Variants in SKAP2 observed in about 807,000 individuals in gnomAD.
SKAP2 encodes src kinase associated phosphoprotein 2.
In SKAP2, 28 loss-of-function variants were observed where a neutral mutation model predicts 54.9. The ratio of observed to expected loss-of-function variants is 0.51; its 90% confidence interval spans 0.38 to 0.70. The LOEUF (loss-of-function observed/expected upper bound fraction) is 0.70, where lower values mean the gene tolerates loss of function less well. Ranked by LOEUF, SKAP2 falls within the 30% of genes least tolerant of loss-of-function variation. The probability of loss-of-function intolerance (pLI) is 0.00; values close to 1 mark genes in which losing one functional copy is unlikely to be tolerated. For synonymous variants in SKAP2, 137 were observed against 134.3 expected (o/e 1.02, Z -0.14); for missense variants, 356 against 424.1 (o/e 0.84, Z 1.41).
At chr7:26,784,430 G>C (rs576526196) in intron 4 of SKAP2, among the ~76,000 whole-genome samples, 1 of 152,138 alleles carries the variant, frequency 6.6e-6, no homozygotes, top group African/African-American at 2.4e-5. Context: ...TACAAATTAG[G>C]CTTTCTTCTT....
intron 9 of SKAP2, among the ~76,000 whole-genome samples, chr7:26,719,791 T>A (rs1338197051): frequency 6.6e-6 from 1 of 152,194 alleles, no homozygotes; most frequent in Non-Finnish European, 1.5e-5. Flanking sequence ...TATGTAATCC[T>A]AGTTTCATGT....
At chr7:26,841,910 T>A (rs1287133881) in intron 4 of SKAP2, among the ~76,000 whole-genome samples, 2 of 152,014 alleles carry the variant, frequency 1.3e-5, no homozygotes, top group Admixed American at 6.6e-5. Context: ...CTGTGCTAAT[T>A]CGGTTATGCT....
chr7:26,705,880 AT>A, intron 9 of SKAP2, among the ~76,000 whole-genome samples: 1 of 152,354 alleles, frequency 6.6e-6, no homozygotes, highest in South Asian at 2.1e-4. Context: ...AAAAGTTAAA[AT>A]CAAAACAAAA....
chr7:26,792,361 T>C (rs570096767), intron 4 of SKAP2, among the ~76,000 whole-genome samples: 1 of 152,344 alleles, frequency 6.6e-6, no homozygotes, highest in East Asian at 1.9e-4. Context: ...TTATACCTGA[T>C]AAACCTGATC....
At chr7:26,792,517 AT>A (rs571447492) in intron 4 of SKAP2, among the ~76,000 whole-genome samples, 251 of 152,346 alleles carry the variant, frequency 1.6e-3, no homozygotes, top group African/African-American at 5.4e-3. Flanking sequence ...AAAAACTTTT[AT>A]TTGAAAAATA....
rs576214855 is a variant in SKAP2 at position 26,725,502 on chromosome 7, T to C, written c.722A>G (p.Asp241Gly). The C allele has an allele frequency of 3.1e-6, 5 of 1,611,920 alleles. No individual in the cohort carries two copies. Among genetic ancestry groups the C allele is most frequent in the Admixed American group, 1.7e-5 (1 of 59,938 alleles). Residue 241 changes from aspartate (D) to glycine (G), a missense_variant, in exon 9 of 13, where the codon GAT becomes GGT. By Grantham distance (94) the Asp-to-Gly change is moderately conservative (BLOSUM62 -1). Coordinates refer to ENST00000345317, the MANE Select transcript of SKAP2 (RefSeq NM_003930.5). Reference protein sequence around the residue: ...DERGELYDDVDHPLPISNPLT... With the variant: ...DERGELYDDVGHPLPISNPLT... ...TGGATTGCTTATTGGTAGAGGATGATCAACATCATCATATAATTCTCCTCT... is the reference window on the plus strand; with the variant it reads ...TGGATTGCTTATTGGTAGAGGATGACCAACATCATCATATAATTCTCCTCT...
At chr7:26,742,403 A>T (rs1185728343) in intron 4 of SKAP2, 1 of 152,302 alleles carries the variant, frequency 6.6e-6, no homozygotes, top group Non-Finnish European at 1.5e-5. Context: ...GAGAGATGGG[A>T]AGAAGGGAGA....
chr7:26,796,327 G>A (rs575721102), intron 4 of SKAP2, among the ~76,000 whole-genome samples: 2 of 133,978 alleles, frequency 1.5e-5, no homozygotes, highest in South Asian at 2.3e-4. Flanking sequence ...TGCTTAAAAC[G>A]CTATGTGACA....
chr7:26,707,809 A>G (rs1180543575), intron 9 of SKAP2, among the ~76,000 whole-genome samples: 1 of 152,182 alleles, frequency 6.6e-6, no homozygotes, highest in South Asian at 2.1e-4. Context: ...CCTGTGAGAA[A>G]TCAAACCCCC....
intron 6 of SKAP2, among the ~76,000 whole-genome samples, chr7:26,734,913 T>C (rs1366364004): frequency 1.3e-5 from 2 of 152,186 alleles, no homozygotes; most frequent in Non-Finnish European, 2.9e-5. Context: ...ATTCACACCA[T>C]AGCATTCAAC....
intron 4 of SKAP2, among the ~76,000 whole-genome samples, chr7:26,761,792 C>A (rs1030644): frequency 0.42 from 63,563 of 152,050 alleles, 13,686 homozygotes; most frequent in Middle Eastern, 0.49. Flanking sequence ...CCCGGCAACT[C>A]GGGAGTCTGA....
intron 10 of SKAP2, among the ~76,000 whole-genome samples, chr7:26,688,292 T>C (rs913209457): frequency 2.0e-5 from 3 of 152,210 alleles, no homozygotes; most frequent in African/African-American, 7.2e-5. Context: ...TTTATATATA[T>C]ACTCATCCAC....
At chr7:26,841,361 A>C (rs1438553626) in intron 4 of SKAP2, among the ~76,000 whole-genome samples, 1 of 151,606 alleles carries the variant, frequency 6.6e-6, no homozygotes, top group Non-Finnish European at 1.5e-5. Flanking sequence ...AAAAAAAGGC[A>C]GGCTGAAAAC....
chr7:26,725,683 C>T, intron 8 of SKAP2, 118 bp from the exon 9 acceptor site: 2 of 1,044,848 alleles, frequency 1.9e-6, no homozygotes, highest in Non-Finnish European at 2.7e-6. Context: ...TATGTTATGT[C>T]CTTAACTAAA....
chr7:26,848,885 A>G (rs1784980837), intron 3 of SKAP2, among the ~76,000 whole-genome samples: 1 of 152,220 alleles, frequency 6.6e-6, no homozygotes, highest in Non-Finnish European at 1.5e-5. Context: ...AATACTAAAG[A>G]CAACTTCTGG....
intron 10 of SKAP2, among the ~76,000 whole-genome samples, chr7:26,687,916 A>T (rs948648621): frequency 1.3e-5 from 2 of 152,070 alleles, no homozygotes; most frequent in East Asian, 3.9e-4. Context: ...CCACATCATG[A>T]TCTATATTTT....
chr7:26,709,358 A>G (rs1787243745), intron 9 of SKAP2, among the ~76,000 whole-genome samples: 1 of 152,148 alleles, frequency 6.6e-6, no homozygotes, highest in African/African-American at 2.4e-5. Flanking sequence ...AGCTTAATAG[A>G]AGCAAAGGGT....
chr7:26,677,394 T>TAAAAAAAAAAAAAAAAAAA (rs1322136047), intron 11 of SKAP2, among the ~76,000 whole-genome samples: 1 of 72,956 alleles, frequency 1.4e-5, no homozygotes, highest in African/African-American at 5.4e-5. Flanking sequence ...TCTGTCTCAA[T>TAAAAAAAAAAAAAAAAAAA]AAAAAAAAAA....
chr7:26,796,299 T>C (rs911394334), intron 4 of SKAP2, among the ~76,000 whole-genome samples: 2 of 151,426 alleles, frequency 1.3e-5, no homozygotes, highest in Non-Finnish European at 2.9e-5. Flanking sequence ...TGGGGTGAGC[T>C]TGAGTGTTAC....
Sources: gnomAD v4.1 joint callset for allele counts (sites outside exome capture counted in the v4.1 genomes callset) on GRCh38, gnomAD v4.1.1 for gene constraint, MANE v1.5 for transcripts, NCBI Gene and HGNC (gene_info 2026-07-23, HGNC 2026-07-21) for gene names.